The following LRRC4C variants were observed in gnomAD, a reference collection of about 807,000 sequenced individuals.
LRRC4C encodes leucine rich repeat containing 4C.
Under a neutral mutation model 33.6 loss-of-function variants are expected in LRRC4C, and 5 were observed. The ratio of observed to expected loss-of-function variants is 0.15; its 90% CI spans 0.08 to 0.31. LRRC4C has a LOEUF of 0.31. LRRC4C is among the 10% of genes least tolerant of loss of function. The probability of loss-of-function intolerance (pLI) is 1.00; values close to 1 mark genes in which losing one functional copy is unlikely to be tolerated. For synonymous variants in LRRC4C, 329 were observed against 302.0 expected, an observed-to-expected ratio of 1.09 and a Z score of -0.93; for missense variants, 560 against 796.7, an observed-to-expected ratio of 0.70 and a Z score of 3.58.
rs181334177 is a variant in LRRC4C at position 40,790,942 on chromosome 11, C to T, written c.-406-142664G>A. On this transcript the variant is annotated intron_variant, in intron 2 of 6. Coordinates refer to ENST00000528697, the MANE Select transcript of LRRC4C (RefSeq NM_001258419.2). ...CTGTGCCACAATGCTTCCATTGATA[C>T]TCCTTAGAATTGCAGGAAGCCAAAG... Among the ~76,000 whole-genome samples, 335 of 152,286 alleles carry T rather than the reference C, an allele frequency of 2.2e-3. 2 individuals carry two copies. The highest frequency in any genetic ancestry group is 7.9e-3 in the African/African-American group (330 of 41,562).
intron 3 of LRRC4C, among the ~76,000 whole-genome samples, chr11:40,343,459 A>G: frequency 6.6e-6 from 1 of 152,058 alleles, no homozygotes; most frequent in Middle Eastern, 3.2e-3. Flanking sequence ...TCAGTCACCC[A>G]TGTTATAAGC....
chr11:40,580,473 C>T (rs372313803), intron 3 of LRRC4C, among the ~76,000 whole-genome samples: 21 of 152,214 alleles, frequency 1.4e-4, no homozygotes, highest in African/African-American at 4.3e-4. Context: ...CAATTCGAGA[C>T]GCAATTTGGG....
chr11:40,308,367 T>G (rs1238288243), intron 4 of LRRC4C, among the ~76,000 whole-genome samples: 2 of 152,196 alleles, frequency 1.3e-5, no homozygotes, highest in African/African-American at 4.8e-5. Flanking sequence ...TAACACTTCA[T>G]AGCATTGTAA....
chr11:40,793,402 A>G lies in LRRC4C; in HGVS notation c.-407+140233T>C, dbSNP rs765355363. ...GGTATAAAAAGTAGTTTTTTAGGCA[A>G]TTGGAAGACAAGCCACACAGAGTTT... is the stretch of plus-strand genomic sequence containing the variant. On this transcript the variant is annotated intron_variant, in intron 2 of 6. Coordinates refer to ENST00000528697, the MANE Select transcript of LRRC4C (RefSeq NM_001258419.2). 4.3e-4 allele frequency among the ~76,000 whole-genome samples: 65 copies of G among 152,204 alleles called. 1 individual carries two copies. Among genetic ancestry groups the G allele is most frequent in the Non-Finnish European group, 2.8e-4 (19 of 68,020 alleles).
intron 3 of LRRC4C, among the ~76,000 whole-genome samples, chr11:40,347,861 G>T (rs545677588): frequency 6.6e-6 from 1 of 152,274 alleles, no homozygotes; most frequent in East Asian, 1.9e-4. Context: ...GCCTGCCTTG[G>T]CCTCCCAAAG....
chr11:40,989,130 G>A (rs1011680584), intron 1 of LRRC4C, among the ~76,000 whole-genome samples: 2 of 152,096 alleles, frequency 1.3e-5, no homozygotes, highest in African/African-American at 4.8e-5. Context: ...CTGATCATTT[G>A]TTTAAAGCCA....
intron 5 of LRRC4C, among the ~76,000 whole-genome samples, chr11:40,180,051 AATT>A (rs1302346265): frequency 3.3e-5 from 5 of 152,346 alleles, no homozygotes; most frequent in Non-Finnish European, 7.3e-5. Flanking sequence ...ATAAATAGAT[AATT>A]ACACCAATAC....
chr11:40,668,052 G>A (rs1943908885), intron 2 of LRRC4C, among the ~76,000 whole-genome samples: 1 of 152,110 alleles, frequency 6.6e-6, no homozygotes, highest in Non-Finnish European at 1.5e-5. Flanking sequence ...CATAGGTCAG[G>A]CCCCCACTGT....
chr11:40,703,020 G>A (rs10837481), intron 2 of LRRC4C, among the ~76,000 whole-genome samples: 50,292 of 151,888 alleles, frequency 0.33, 8,431 homozygotes, highest in East Asian at 0.44. Context: ...TTTAAAATAA[G>A]AATAAAGTTA....
At chr11:40,678,072 A>G (rs146372542) in intron 2 of LRRC4C, among the ~76,000 whole-genome samples, 1 of 151,902 alleles carries the variant, frequency 6.6e-6, no homozygotes, top group Non-Finnish European at 1.5e-5. Flanking sequence ...GCAAACCACT[A>G]TCTTGGGGGT....
intron 2 of LRRC4C, among the ~76,000 whole-genome samples, chr11:40,710,793 C>A (rs1431134206): frequency 6.6e-6 from 1 of 152,214 alleles, no homozygotes; most frequent in Non-Finnish European, 1.5e-5. Context: ...CAGCTATACC[C>A]TGCCCCCAGA....
intron 3 of LRRC4C, among the ~76,000 whole-genome samples, chr11:40,531,143 T>G (rs1314342011): frequency 6.6e-6 from 1 of 152,104 alleles, no homozygotes; most frequent in Non-Finnish European, 1.5e-5. Context: ...CCTTTCTCTT[T>G]TAGACAAGCT....
intron 1 of LRRC4C, among the ~76,000 whole-genome samples, chr11:40,982,321 A>T (rs950176772): frequency 2.0e-5 from 3 of 152,384 alleles, no homozygotes; most frequent in Non-Finnish European, 2.9e-5. Flanking sequence ...GGTGTTGAAA[A>T]GGAAACAAGA....
intron 3 of LRRC4C, among the ~76,000 whole-genome samples, chr11:40,512,807 T>C (rs557650226): frequency 4.2e-4 from 64 of 152,206 alleles, no homozygotes; most frequent in Admixed American, 1.2e-3. Flanking sequence ...ACAGGTATCA[T>C]TGGGAGTCGA....
At chr11:40,249,200 G>A (rs1370786334) in intron 4 of LRRC4C, among the ~76,000 whole-genome samples, 2 of 152,100 alleles carry the variant, frequency 1.3e-5, no homozygotes, top group East Asian at 1.9e-4. Flanking sequence ...TTAGCCGGGT[G>A]TGGTGGTGGG....
rs564504666 is a variant in LRRC4C at position 40,670,794 on chromosome 11, C to T, written c.-406-22516G>A. ...TGTTTTTGTTTTTGAGACGGAGCAT[C>T]GCTCTGTCGCCCAGGCTGGAGTGCA... On this transcript the variant is annotated intron_variant, in intron 2 of 6. Transcript: ENST00000528697. Among the ~76,000 whole-genome samples the T allele has an allele frequency of 4.6e-5, 7 of 152,260 alleles. 1 individual carries two copies. In the South Asian group the frequency reaches 1.0e-3, roughly 23 times the overall value.
chr11:40,364,200 A>C (rs982722130), intron 3 of LRRC4C, among the ~76,000 whole-genome samples: 9 of 152,180 alleles, frequency 5.9e-5, no homozygotes, highest in African/African-American at 2.2e-4. Context: ...AACAACAAGA[A>C]AATTATCAGG....
intron 1 of LRRC4C, among the ~76,000 whole-genome samples, chr11:41,422,261 C>T (rs183889239): frequency 1.6e-4 from 24 of 152,024 alleles, no homozygotes; most frequent in Admixed American, 1.4e-3. Flanking sequence ...GAGCTCTTCC[C>T]GACCCCAGCC....
At chr11:40,436,176 C>G (rs1951130779) in intron 3 of LRRC4C, among the ~76,000 whole-genome samples, 1 of 152,176 alleles carries the variant, frequency 6.6e-6, no homozygotes, top group Non-Finnish European at 1.5e-5. Context: ...TTGCTATAGT[C>G]TAGCTTGCAT....
Sources: gnomAD v4.1 joint callset for allele counts (sites outside exome capture counted in the v4.1 genomes callset) on GRCh38, gnomAD v4.1.1 for gene constraint, MANE v1.5 for transcripts, NCBI Gene and HGNC (gene_info 2026-07-23, HGNC 2026-07-21) for gene names.